FOXP1: variants seen among roughly 807,000 people sequenced by gnomAD.
The protein encoded by FOXP1 is forkhead box P1, also known as forkhead box protein P1.
A neutral mutation model predicts 98.2 loss-of-function variants in FOXP1; 15 were observed. That is an observed-to-expected ratio of 0.15 (90% confidence interval 0.10 to 0.24). The LOEUF is 0.24. FOXP1 is among the 10% of genes least tolerant of loss of function. FOXP1 has a pLI of 1.00. For missense variants in FOXP1, 633 were observed against 848.5 expected (o/e 0.75, Z 3.15); for synonymous variants, 371 against 314.5 (o/e 1.18, Z -1.90).
rs1459110754 is a variant in FOXP1 at position 70,959,108 on chromosome 3, A to G, written c.*139T>C. 3.1e-6 allele frequency: 3 copies of G among 967,210 alleles called. No individual in the cohort carries two copies. In the African/African-American group the frequency reaches 4.9e-5, roughly 16 times the overall value. 59.9% of individuals were successfully genotyped at this position (967,210 alleles called of 1,614,324 possible). On this transcript the variant is annotated 3_prime_UTR_variant, in exon 21 of 21. Coordinates refer to ENST00000649528, the MANE Select transcript of FOXP1 (RefSeq NM_001349338.3). ...TCTTGATGGCACTAAGAGTTAACACATTTCAGAGTTGTCAAAACGTAGTGA... is the reference window on the plus strand; with the variant it reads ...TCTTGATGGCACTAAGAGTTAACACGTTTCAGAGTTGTCAAAACGTAGTGA...
At chr3:71,135,495 C>G (rs936128116) in intron 6 of FOXP1, among the ~76,000 whole-genome samples, 2 of 152,004 alleles carry the variant, frequency 1.3e-5, no homozygotes, top group African/African-American at 4.8e-5. Context: ...TGCCTGGTAC[C>G]GAGGGCTGCC....
At chr3:71,001,245 T>A (rs115953508) in intron 12 of FOXP1, among the ~76,000 whole-genome samples, 186 bp from the exon 13 acceptor site, 47 of 152,334 alleles carry the variant, frequency 3.1e-4, no homozygotes, top group African/African-American at 1.1e-3. Flanking sequence ...TGGCACACAC[T>A]GTTATCACCC....
At chr3:71,505,942 G>GCACT (rs1247639458) in intron 2 of FOXP1, among the ~76,000 whole-genome samples, 3 of 152,322 alleles carry the variant, frequency 2.0e-5, no homozygotes, top group African/African-American at 7.2e-5. Flanking sequence ...GGTACCACAT[G>GCACT]CACTGGGTGA....
At chr3:71,120,102 T>C (rs1447898958) in intron 6 of FOXP1, among the ~76,000 whole-genome samples, 1 of 152,208 alleles carries the variant, frequency 6.6e-6, no homozygotes, top group African/African-American at 2.4e-5. Context: ...ATTGGTGTCA[T>C]AAATAGAAAA....
intron 3 of FOXP1, among the ~76,000 whole-genome samples, chr3:71,443,531 C>T (rs1377153630): frequency 6.6e-6 from 1 of 152,282 alleles, no homozygotes; most frequent in Non-Finnish European, 1.5e-5. Context: ...AAAGCCACTG[C>T]CTTCTCTCCA....
intron 3 of FOXP1, among the ~76,000 whole-genome samples, chr3:71,478,547 G>A (rs2090030975): frequency 1.3e-5 from 2 of 152,198 alleles, no homozygotes. Flanking sequence ...TGATGAACAA[G>A]TATTTCTCTG....
rs2036103516 is a variant in FOXP1 at position 70,970,972 on chromosome 3, G to A, written c.1653-167C>T. ...TCCCCGTCACTGATTTGCAGGGCGG[G>A]TGTGTGTGCACACCTCTGGGGTTGG... is the stretch of plus-strand genomic sequence containing the variant. On this transcript the variant is annotated intron_variant, in intron 18 of 20. Coordinates refer to ENST00000649528, the MANE Select transcript of FOXP1 (RefSeq NM_001349338.3). 3.0e-5 allele frequency: 20 copies of A among 662,402 alleles called. 1 individual carries two copies. The South Asian group carries it at 3.2e-4, about 11-fold the overall frequency. The allele number at this position is 662,402 out of a possible 1,614,324, so 41.0% of individuals were successfully genotyped here.
chr3:71,073,845 C>T (rs1162511567), intron 7 of FOXP1, among the ~76,000 whole-genome samples: 2 of 152,172 alleles, frequency 1.3e-5, no homozygotes, highest in Non-Finnish European at 2.9e-5. Context: ...TGACTGTGTC[C>T]TCCAGGGCTC....
Position 71,047,021 on chromosome 3 carries a change from G to A in FOXP1, c.585C>T (p.His195=), listed in dbSNP as rs200803908. 4.1e-5 allele frequency: 66 copies of A among 1,614,080 alleles called. No individual in the cohort carries two copies. In the East Asian group the frequency reaches 1.4e-3, roughly 35 times the overall value. The change falls in exon 10 of 21, where the codon CAC becomes CAT. Residue 195 remains histidine (H), a synonymous_variant. Coordinates refer to ENST00000649528, the MANE Select transcript of FOXP1 (RefSeq NM_001349338.3). ...GGCCTTGGCGCTGCAAAGACAGGAG[G>A]TGCTGCTGCTGTAACTGCTGCATCT... is the stretch of plus-strand genomic sequence containing the variant. ...LLQMQQLQQQ[H]LLSLQRQGLL... is the part of the protein sequence containing the mutation.
At chr3:71,291,712 AT>A (rs11438381) in intron 5 of FOXP1, among the ~76,000 whole-genome samples, 2,230 of 125,138 alleles carry the variant, frequency 0.018, 34 homozygotes, top group African/African-American at 0.052. Flanking sequence ...CTTATTCTGT[AT>A]TTTTTTTTTT....
chr3:71,053,837 C>G (rs2050242345), intron 7 of FOXP1, 64 bp from the exon 8 acceptor site: 1 of 1,586,060 alleles, frequency 6.3e-7, no homozygotes, highest in Admixed American at 1.7e-5. Flanking sequence ...CTCCCAGGTT[C>G]AGCAGCTGAC....
At chr3:71,145,444 G>C (rs142609708) in intron 6 of FOXP1, among the ~76,000 whole-genome samples, 70 of 152,296 alleles carry the variant, frequency 4.6e-4, no homozygotes, top group African/African-American at 1.6e-3. Context: ...GGCTGAGGCT[G>C]AGGCAGAAGA....
At chr3:71,130,270 T>C (rs2059485210) in intron 6 of FOXP1, among the ~76,000 whole-genome samples, 2 of 152,166 alleles carry the variant, frequency 1.3e-5, no homozygotes, top group South Asian at 4.2e-4. Context: ...CAAAGACATA[T>C]TTGAAAACAA....
At chr3:71,135,376 T>G (rs1402239376) in intron 6 of FOXP1, among the ~76,000 whole-genome samples, 1 of 151,544 alleles carries the variant, frequency 6.6e-6, no homozygotes, top group African/African-American at 2.4e-5. Context: ...ATGTAAAGAT[T>G]AAGTATAAAC....
chr3:71,534,872 C>T (rs1027465707), intron 2 of FOXP1, among the ~76,000 whole-genome samples: 1 of 152,188 alleles, frequency 6.6e-6, no homozygotes, highest in African/African-American at 2.4e-5. Flanking sequence ...ATGAGCATTT[C>T]CTGAATGTAA....
intron 6 of FOXP1, among the ~76,000 whole-genome samples, chr3:71,161,698 C>A (rs964850224): frequency 2.6e-5 from 4 of 152,186 alleles, no homozygotes; most frequent in Non-Finnish European, 5.9e-5. Context: ...AAACAGGGAG[C>A]AAGACAATGA....
At chr3:71,481,270 T>C (rs2090256599) in intron 3 of FOXP1, among the ~76,000 whole-genome samples, 3 of 152,188 alleles carry the variant, frequency 2.0e-5, no homozygotes, top group African/African-American at 4.8e-5. Context: ...AGTTAGGTAC[T>C]ATTATTTTAA....
chr3:71,304,567 A>G (rs1029550475), intron 4 of FOXP1: 2 of 152,226 alleles, frequency 1.3e-5, no homozygotes, highest in Non-Finnish European at 2.9e-5. Flanking sequence ...CTATCAATCA[A>G]AATTTAAGAA....
intron 7 of FOXP1, among the ~76,000 whole-genome samples, chr3:71,057,898 G>A (rs2050907618): frequency 3.3e-5 from 5 of 152,106 alleles, no homozygotes; most frequent in Admixed American, 3.3e-4. Context: ...CTGGGAAAAC[G>A]GTGTTAGCAC....
Sources: allele counts gnomAD v4.1 joint callset (sites outside exome capture counted in the v4.1 genomes callset), GRCh38; gene constraint gnomAD v4.1.1; transcripts MANE v1.5; gene names NCBI Gene and HGNC (gene_info 2026-07-23, HGNC 2026-07-21).